The following MARK4 variants were observed in gnomAD, a reference collection of about 807,000 sequenced individuals.
The protein encoded by MARK4 is MAP/microtubule affinity-regulating kinase 4.
In MARK4, 19 loss-of-function variants were observed where a neutral mutation model predicts 81.5. The observed-to-expected ratio is 0.23, with a 90% confidence interval of 0.16 to 0.34. MARK4 has a LOEUF of 0.34. MARK4 is among the 10% of genes least tolerant of loss of function. The pLI, the probability that MARK4 is intolerant of heterozygous loss-of-function variation, is 1.00. For missense variants in MARK4, 772 were observed against 1,058.8 expected, an observed-to-expected ratio of 0.73 and a Z score of 3.76; for synonymous variants, 436 against 439.0, an observed-to-expected ratio of 0.99 and a Z score of 0.08.
At chr19:45,277,265 A>G (rs1441874371) in intron 8 of MARK4, among the ~76,000 whole-genome samples, 1 of 151,206 alleles carries the variant, frequency 6.6e-6, no homozygotes, top group Non-Finnish European at 1.5e-5. Context: ...TTTAGTGGAG[A>G]TGGGGTTTCA....
chr19:45,273,564 G>A (rs1393041758), intron 8 of MARK4, among the ~76,000 whole-genome samples: 2 of 152,010 alleles, frequency 1.3e-5, no homozygotes, highest in African/African-American at 2.4e-5. Context: ...ATTTAGCTGC[G>A]CCATCTCTTG....
intron 12 of MARK4, among the ~76,000 whole-genome samples, chr19:45,286,110 C>T (rs879400292): frequency 6.6e-6 from 1 of 152,060 alleles, no homozygotes; most frequent in Non-Finnish European, 1.5e-5. Flanking sequence ...GACTGGAGTG[C>T]AATGGTGTGA....
intron 10 of MARK4, among the ~76,000 whole-genome samples, chr19:45,279,054 A>G (rs1441359830): frequency 6.6e-6 from 1 of 152,016 alleles, no homozygotes; most frequent in African/African-American, 2.4e-5. Context: ...CCCTGTCTGT[A>G]CAAAAAAATA....
At chr19:45,273,795 T>A (rs560178781) in intron 8 of MARK4, among the ~76,000 whole-genome samples, 1 of 152,304 alleles carries the variant, frequency 6.6e-6, no homozygotes, top group Admixed American at 6.5e-5. Flanking sequence ...TACTGTGATA[T>A]GAAATTGTAA....
intron 16 of MARK4, 48 bp downstream of exon 16, chr19:45,299,903 C>A: frequency 6.4e-7 from 1 of 1,562,038 alleles, no homozygotes; most frequent in Non-Finnish European, 8.7e-7. Flanking sequence ...TCTCCTGCCT[C>A]AGCACCTCCC....
intron 8 of MARK4, among the ~76,000 whole-genome samples, chr19:45,273,185 G>A (rs1293805433): frequency 6.6e-6 from 1 of 151,664 alleles, no homozygotes; most frequent in Non-Finnish European, 1.5e-5. Flanking sequence ...GCCAATCTAC[G>A]GAAAAGTTGC....
intron 7 of MARK4, among the ~76,000 whole-genome samples, chr19:45,270,958 C>T (rs1291059304): frequency 4.6e-5 from 7 of 152,144 alleles, no homozygotes; most frequent in South Asian, 2.1e-4. Context: ...TTAGTAGAGA[C>T]GGGGTTTCTC....
intron 15 of MARK4, chr19:45,298,290 C>T (rs374388239): frequency 6.6e-6 from 10 of 1,524,054 alleles, no homozygotes; most frequent in African/African-American, 1.4e-5. Flanking sequence ...CCTGTGTGTG[C>T]GGGCATTGGG....
At position 45,304,128 on chromosome 19, in the gene MARK4, T is replaced by C. The variant is rs191126737; in HGVS notation, c.*1418T>C. ...TAGGTTTGATCCAGGCATCAGGCCA[T>C]TGCATCTATTTTTTCAGTGTAAGTT... On this transcript the variant is annotated 3_prime_UTR_variant, in exon 17 of 17. Coordinates refer to ENST00000262891, the MANE Select transcript of MARK4 (RefSeq NM_001199867.2). 6.6e-6 allele frequency: 1 copy of C among 152,372 alleles called. No individual in the cohort carries two copies. Among genetic ancestry groups the C allele is most frequent in the African/African-American group, 2.4e-5 (1 of 41,588 alleles). 9.4% of individuals were successfully genotyped at this position (152,372 alleles called of 1,614,324 possible). A position where few individuals can be genotyped will look rare whatever the true frequency, so the allele number is the denominator to read the frequency against.
At chr19:45,299,614 G>T (rs1051691246) in intron 15 of MARK4, among the ~76,000 whole-genome samples, 197 bp from the exon 16 acceptor site, 2 of 152,092 alleles carry the variant, frequency 1.3e-5, no homozygotes, top group African/African-American at 4.8e-5. Context: ...TATCTTTCCT[G>T]TGACCTGCAC....
rs113863209 is a variant in MARK4 at position 45,267,021 on chromosome 19, G to C, written c.549+740G>C. Among the ~76,000 whole-genome samples the C allele has an allele frequency of 7.2e-5, 11 of 151,892 alleles. 1 individual carries two copies. The highest frequency in any genetic ancestry group is 2.7e-4 in the African/African-American group (11 of 41,406). ...TGCTGGGATTACAGGCATGAGCCACGGCACCTGGCCGGGAATCTGAGAACT... is the reference window on the plus strand; with the variant it reads ...TGCTGGGATTACAGGCATGAGCCACCGCACCTGGCCGGGAATCTGAGAACT... On this transcript the variant is annotated intron_variant, in intron 7 of 16. Transcript: ENST00000262891.
intron 6 of MARK4, among the ~76,000 whole-genome samples, chr19:45,265,818 A>G (rs192053291): frequency 1.3e-5 from 2 of 150,674 alleles, no homozygotes; most frequent in East Asian, 3.9e-4. Context: ...TGCAGGTGTG[A>G]GGGTGCCGGG....
chr19:45,280,809 C>T, intron 12 of MARK4, 75 bp downstream of exon 12: 2 of 1,572,172 alleles, frequency 1.3e-6, no homozygotes, highest in Non-Finnish European at 1.7e-6. Flanking sequence ...TCAGGGTTCT[C>T]TGATTGGCAA....
rs1971032276 is a variant in MARK4, at chr19:45,305,026, G to C, written c.*2316G>C. On this transcript the variant is annotated 3_prime_UTR_variant, in exon 17 of 17. Transcript: ENST00000262891. ...AGGTAGGGTAGAGATGGGCGGGTTT[G>C]TGCTATGTGCAGGGTGGAAGGGAGG... 1 of 152,458 alleles carries C rather than the reference G, an allele frequency of 6.6e-6. No homozygotes were observed. The highest frequency in any genetic ancestry group is 6.5e-5 in the Admixed American group (1 of 15,274). The allele number at this position is 152,458 out of a possible 1,614,324, so 9.4% of individuals were successfully genotyped here. A position where few individuals can be genotyped will look rare whatever the true frequency, so the allele number is the denominator to read the frequency against.
chr19:45,290,438 A>G lies in MARK4; in HGVS notation c.1494+2774A>G, dbSNP rs112671400. ...GGGCCCCACTGAAGCTTTGACCACA[A>G]GTGTCCACCTGTTACCAGTGGCAGC... is the stretch of plus-strand genomic sequence containing the variant. On this transcript the variant is annotated intron_variant, in intron 13 of 16. Transcript: ENST00000262891. 5.9e-3 allele frequency among the ~76,000 whole-genome samples: 905 copies of G among 152,364 alleles called. 6 individuals are homozygous for G. The highest frequency in any genetic ancestry group is 8.3e-3 in the Non-Finnish European group (564 of 68,034).
At chr19:45,254,827 C>T (rs1970287488) in intron 1 of MARK4, among the ~76,000 whole-genome samples, 1 of 152,224 alleles carries the variant, frequency 6.6e-6, no homozygotes, top group African/African-American at 2.4e-5. Flanking sequence ...TGGAGTCATT[C>T]CCTGGGCTAC....
rs3859421 is a variant in MARK4, at chr19:45,258,831, T to C, written c.52-158T>C. 1.6e-3 allele frequency: 1,223 copies of C among 765,584 alleles called. 22 individuals are homozygous for C. In the Admixed American group the frequency reaches 0.031, roughly 19 times the overall value. The allele number at this position is 765,584 out of a possible 1,614,324, so 47.4% of individuals were successfully genotyped here. ...GGGGGCTTTTGTTCCTGGAGGCGTC[T>C]TTTTGTAGAGAAAGATGAAGGATGC... On this transcript the variant is annotated intron_variant, in intron 1 of 16. Coordinates refer to ENST00000262891, the MANE Select transcript of MARK4 (RefSeq NM_001199867.2).
At chr19:45,275,784 C>T (rs1296372014) in intron 8 of MARK4, among the ~76,000 whole-genome samples, 1 of 152,190 alleles carries the variant, frequency 6.6e-6, no homozygotes, top group African/African-American at 2.4e-5. Context: ...GGCTTCGCGG[C>T]GTTGTGAAAA....
At chr19:45,291,266 A>G (rs1267464886) in intron 13 of MARK4, among the ~76,000 whole-genome samples, 1 of 152,226 alleles carries the variant, frequency 6.6e-6, no homozygotes, top group Non-Finnish European at 1.5e-5. Flanking sequence ...TGGGATTTGT[A>G]GGAACAACAG....
Sources: gnomAD v4.1 joint callset for allele counts (sites outside exome capture counted in the v4.1 genomes callset) on GRCh38, gnomAD v4.1.1 for gene constraint, MANE v1.5 for transcripts, NCBI Gene and HGNC (gene_info 2026-07-23, HGNC 2026-07-21) for gene names.